The following SYN3 variants were observed in gnomAD, a reference collection of about 807,000 sequenced individuals.
SYN3 encodes the protein synapsin-3.
SYN3 carries 35 observed loss-of-function variants against 65.8 expected under a neutral mutation model. The ratio of observed to expected loss-of-function variants is 0.53; its 90% CI spans 0.41 to 0.70. The LOEUF (loss-of-function observed/expected upper bound fraction) is 0.70. Among genes scored for constraint, SYN3 ranks in the 30% least tolerant of loss-of-function variants. SYN3 has a pLI of 0.00. For missense variants in SYN3, 680 were observed against 749.0 expected, an observed-to-expected ratio of 0.91 and a Z score of 1.08; for synonymous variants, 270 against 292.9, an observed-to-expected ratio of 0.92 and a Z score of 0.80.
chr22:32,964,788 C>G (rs1267572206), intron 3 of SYN3, among the ~76,000 whole-genome samples: 1 of 152,190 alleles, frequency 6.6e-6, no homozygotes, highest in Non-Finnish European at 1.5e-5. Context: ...CAGAACTCCA[C>G]AAGTACAACC....
intron 6 of SYN3, among the ~76,000 whole-genome samples, chr22:32,701,396 A>G (rs1295179440): frequency 1.3e-5 from 2 of 152,232 alleles, no homozygotes; most frequent in African/African-American, 4.8e-5. Flanking sequence ...GTAAAAAATT[A>G]CCAGGTATGT....
intron 6 of SYN3, among the ~76,000 whole-genome samples, chr22:32,599,385 G>T (rs987967115): frequency 6.6e-6 from 1 of 151,130 alleles, no homozygotes; most frequent in African/African-American, 2.4e-5. Flanking sequence ...GCAGTGGTGC[G>T]ATCTCGGCTC....
intron 6 of SYN3, among the ~76,000 whole-genome samples, chr22:32,758,102 A>G (rs1461152978): frequency 6.6e-6 from 1 of 152,218 alleles, no homozygotes; most frequent in Admixed American, 6.5e-5. Flanking sequence ...ATCATGCCAC[A>G]TAAGATTTAT....
chr22:32,844,508 G>A (rs901553484), intron 6 of SYN3, among the ~76,000 whole-genome samples: 1 of 152,170 alleles, frequency 6.6e-6, no homozygotes, highest in Non-Finnish European at 1.5e-5. Flanking sequence ...ATATTCAAAG[G>A]AAGCAAAGAC....
chr22:32,513,606 C>A lies in SYN3; in HGVS notation c.*86G>T. 1 of 1,541,266 alleles carries A rather than the reference C, an allele frequency of 6.5e-7. No individual in the cohort carries two copies. Among genetic ancestry groups the A allele is most frequent in the East Asian group, 2.3e-5 (1 of 44,198 alleles). On this transcript the variant is annotated 3_prime_UTR_variant, in exon 14 of 14. Transcript: ENST00000358763. Reference sequence around the variant, plus strand: ...GTTCTCAGGCCCTCCATTCTGTTCCCATCAGGAACCAAGGCTGAGAAGGAA... The same window carrying A: ...GTTCTCAGGCCCTCCATTCTGTTCCAATCAGGAACCAAGGCTGAGAAGGAA...
intron 6 of SYN3, among the ~76,000 whole-genome samples, chr22:32,739,408 G>A (rs573000022): frequency 1.3e-5 from 2 of 151,072 alleles, no homozygotes; most frequent in South Asian, 2.1e-4. Context: ...ACCCAGTCTC[G>A]GGTATGTCTT....
intron 7 of SYN3, among the ~76,000 whole-genome samples, chr22:32,560,386 A>G (rs2058569645): frequency 6.6e-6 from 1 of 152,198 alleles, no homozygotes; most frequent in African/African-American, 2.4e-5. Context: ...AATAAATTAC[A>G]TAAAGTGGGG....
intron 4 of SYN3, among the ~76,000 whole-genome samples, chr22:32,907,214 C>T (rs1179646764): frequency 1.3e-5 from 2 of 152,134 alleles, no homozygotes; most frequent in African/African-American, 4.8e-5. Flanking sequence ...CATTTAATAT[C>T]CTCACAACAT....
At chr22:32,832,336 T>G (rs2047597624) in intron 6 of SYN3, among the ~76,000 whole-genome samples, 1 of 152,198 alleles carries the variant, frequency 6.6e-6, no homozygotes, top group Non-Finnish European at 1.5e-5. Flanking sequence ...GATGGGACTC[T>G]TAGATTCTAG....
At chr22:32,992,698 A>G (rs1019756205) in intron 2 of SYN3, among the ~76,000 whole-genome samples, 3 of 152,164 alleles carry the variant, frequency 2.0e-5, no homozygotes, top group Non-Finnish European at 4.4e-5. Context: ...CTGTAGTCCC[A>G]GCTACTGGGG....
At chr22:32,985,375 T>G (rs1419347093) in intron 2 of SYN3, among the ~76,000 whole-genome samples, 2 of 152,152 alleles carry the variant, frequency 1.3e-5, no homozygotes, top group Non-Finnish European at 2.9e-5. Context: ...CAAAGCAGAA[T>G]TATGACTCAC....
rs1029032062 is a variant in SYN3, at chr22:32,801,229, A to G, written c.711+63686T>C. On this transcript the variant is annotated intron_variant, in intron 6 of 13. Transcript: ENST00000358763. This position sits in a 1 kb window ranked among gnomAD's most constrained non-coding sequence, Gnocchi z 4.7. ...TTTCTCCTCTGTGCCTGCTCTCTCC[A>G]GAGAAACTGGAGGGGTAGCAGTTAG... Among the ~76,000 whole-genome samples, 1 of 152,252 alleles carries G rather than the reference A, an allele frequency of 6.6e-6. No homozygotes were observed. Among genetic ancestry groups the G allele is most frequent in the Non-Finnish European group, 1.5e-5 (1 of 68,042 alleles).
At chr22:32,785,461 C>T (rs1038986370) in intron 6 of SYN3, among the ~76,000 whole-genome samples, 15 of 152,090 alleles carry the variant, frequency 9.9e-5, no homozygotes, top group African/African-American at 3.4e-4. Flanking sequence ...AGATGGAGTC[C>T]TGGGGGGCTG....
intron 6 of SYN3, among the ~76,000 whole-genome samples, chr22:32,780,363 G>A (rs1469853193): frequency 3.9e-5 from 6 of 152,154 alleles, no homozygotes; most frequent in Admixed American, 6.5e-5. Context: ...AACTGCTGTA[G>A]GAGATGGAGA....
At chr22:32,931,608 C>A (rs1339443078) in intron 3 of SYN3, 127 bp from the exon 4 acceptor site, 1 of 642,596 alleles carries the variant, frequency 1.6e-6, no homozygotes, top group Non-Finnish European at 2.8e-6. Flanking sequence ...TAGGAAGTTG[C>A]CGATATTATT....
At chr22:32,749,595 C>T (rs1457176452) in intron 6 of SYN3, among the ~76,000 whole-genome samples, 4 of 151,982 alleles carry the variant, frequency 2.6e-5, no homozygotes, top group Admixed American at 6.6e-5. Flanking sequence ...GAGCCAAGAT[C>T]GCACCACTGC....
At chr22:32,848,688 AG>A (rs2048136879) in intron 6 of SYN3, among the ~76,000 whole-genome samples, 1 of 152,264 alleles carries the variant, frequency 6.6e-6, no homozygotes, top group Non-Finnish European at 1.5e-5. Flanking sequence ...TAATCCCTTC[AG>A]TTCAAGAGAT....
intron 1 of SYN3, 122 bp downstream of exon 1, chr22:33,058,170 A>C (rs1424280837): frequency 6.6e-6 from 1 of 152,184 alleles, no homozygotes; most frequent in Admixed American, 6.5e-5. Flanking sequence ...CCGCGGACAC[A>C]GAGCCGGAGC....
At chr22:32,715,130 G>GA (rs1287544517) in intron 6 of SYN3, among the ~76,000 whole-genome samples, 6 of 152,018 alleles carry the variant, frequency 3.9e-5, no homozygotes, top group Non-Finnish European at 4.4e-5. Flanking sequence ...CCAGCTCTCT[G>GA]AAAAAAACAA....
Sources: gnomAD v4.1 joint callset for allele counts (sites outside exome capture counted in the v4.1 genomes callset) on GRCh38, gnomAD v4.1.1 for gene constraint, Gnocchi (gnomAD v3.1) non-coding constraint, MANE v1.5 for transcripts, NCBI Gene and HGNC (gene_info 2026-07-23, HGNC 2026-07-21) for gene names.